PEA15: variants seen among roughly 807,000 people sequenced by gnomAD.
PEA15 encodes the protein proliferation and apoptosis adaptor protein 15, also known as astrocytic phosphoprotein PEA-15.
For synonymous variants in PEA15, 60 were observed against 61.8 expected (o/e 0.97, Z 0.13); for missense variants, 77 against 161.3 (o/e 0.48, Z 2.83).
chr1:160,214,786 A>ATT lies in PEA15; in HGVS notation c.*1301_*1302dup, dbSNP rs1289717164. ...AGAAGGCTTTTTCAAAAAACATTAAATTCACATGCAGTCTCAGAGACTATT... is the reference window on the plus strand; with the variant it reads ...AGAAGGCTTTTTCAAAAAACATTAAATTTTCACATGCAGTCTCAGAGACTATT... On this transcript the variant is annotated 3_prime_UTR_variant, in exon 4 of 4. Coordinates refer to ENST00000360472, the MANE Select transcript of PEA15 (RefSeq NM_003768.5). The ATT allele has an allele frequency of 1.3e-5, 2 of 152,634 alleles. No homozygotes were observed. Among genetic ancestry groups the ATT allele is most frequent in the Admixed American group, 1.3e-4 (2 of 15,284 alleles). The allele number at this position is 152,634 out of a possible 1,614,324, so 9.5% of individuals were successfully genotyped here.
chr1:160,210,515 A>C (rs1307553327), intron 1 of PEA15, among the ~76,000 whole-genome samples: 1 of 152,224 alleles, frequency 6.6e-6, no homozygotes, highest in Non-Finnish European at 1.5e-5. Context: ...TAGTGGAAGG[A>C]AGGCCTTGAA....
chr1:160,205,468 T>C lies in PEA15; in HGVS notation c.-57T>C. On this transcript the variant is annotated 5_prime_UTR_variant, in exon 1 of 4. Transcript: ENST00000360472. The surrounding 1 kb of genome is among the most constrained non-coding windows in gnomAD (Gnocchi z 5.9). Reference sequence around the variant, plus strand: ...CCGAGGAGGAGGTTCCGGACGCTGCTTAGGAACCGGGGACTCAGGAGTGCC... The same window carrying C: ...CCGAGGAGGAGGTTCCGGACGCTGCCTAGGAACCGGGGACTCAGGAGTGCC... The C allele has an allele frequency of 5.6e-6, 1 of 177,884 alleles. No individual in the cohort carries two copies. The highest frequency in any genetic ancestry group is 1.1e-5 in the Non-Finnish European group (1 of 87,012). The allele number at this position is 177,884 out of a possible 1,614,324, so 11.0% of individuals were successfully genotyped here.
At chr1:160,209,419 T>C (rs1043872857) in intron 1 of PEA15, among the ~76,000 whole-genome samples, 2 of 152,168 alleles carry the variant, frequency 1.3e-5, no homozygotes, top group Non-Finnish European at 2.9e-5. Context: ...CAAGTCTTTG[T>C]GGGTGAGTGT....
At chr1:160,210,266 G>A (rs760907698) in intron 1 of PEA15, among the ~76,000 whole-genome samples, 1 of 152,218 alleles carries the variant, frequency 6.6e-6, no homozygotes, top group African/African-American at 2.4e-5. Context: ...GGCAGCCTCC[G>A]TCAGGGACAA....
intron 1 of PEA15, among the ~76,000 whole-genome samples, chr1:160,210,138 T>G (rs1037735622): frequency 7.2e-5 from 11 of 152,208 alleles, no homozygotes; most frequent in Admixed American, 6.5e-4. Flanking sequence ...ATCTCTTATT[T>G]TGTGACCACC....
chr1:160,206,801 T>C (rs1281048242), intron 1 of PEA15, among the ~76,000 whole-genome samples: 1 of 151,616 alleles, frequency 6.6e-6, no homozygotes, highest in East Asian at 1.9e-4. Flanking sequence ...CCACTGGGAG[T>C]TAGGGAAAGT....
chr1:160,212,147 T>C (rs796900037), intron 2 of PEA15, among the ~76,000 whole-genome samples: 1 of 152,198 alleles, frequency 6.6e-6, no homozygotes. Flanking sequence ...CTTATCCACT[T>C]TGAGAGACTA....
rs1654940091 is a variant in PEA15, at chr1:160,213,022, A to G, written c.173-88A>G. The G allele has an allele frequency of 2.2e-6, 3 of 1,353,942 alleles. No homozygotes were observed. The highest frequency in any genetic ancestry group is 4.6e-5 in the East Asian group (2 of 43,378). The allele number at this position is 1,353,942 out of a possible 1,614,324, so 83.9% of individuals were successfully genotyped here. A position where few individuals can be genotyped will look rare whatever the true frequency, so the allele number is the denominator to read the frequency against. On this transcript the variant is annotated intron_variant, in intron 2 of 3. Coordinates refer to ENST00000360472, the MANE Select transcript of PEA15 (RefSeq NM_003768.5). This position sits in a 1 kb window ranked among gnomAD's most constrained non-coding sequence, Gnocchi z 5.3. ...CTCCCATAACCAATGTCAGCAACTC[A>G]GCTTTGGTTCCAGGTCACTAGTCTG...
Position 160,213,341 on chromosome 1 carries a change from G to A in PEA15, c.328+76G>A, listed in dbSNP as rs1654953793. On this transcript the variant is annotated intron_variant, in intron 3 of 3. Transcript: ENST00000360472. The surrounding 1 kb of genome is among the most constrained non-coding windows in gnomAD (Gnocchi z 5.3). ...TATCCTTGGAGTACTTGAGTTTTGG[G>A]AGAGTGGAGGCAGATGCCCAATGGG... 2 of 1,612,142 alleles carry A rather than the reference G, an allele frequency of 1.2e-6. No homozygotes were observed. The highest frequency in any genetic ancestry group is 1.7e-6 in the Non-Finnish European group (2 of 1,178,266).
At chr1:160,210,700 G>A (rs1347465409) in intron 1 of PEA15, among the ~76,000 whole-genome samples, 1 of 152,228 alleles carries the variant, frequency 6.6e-6, no homozygotes, top group South Asian at 2.1e-4. Flanking sequence ...CGCATCTAAA[G>A]TCCCCTCCCC....
intron 2 of PEA15, 147 bp from the exon 3 acceptor site, chr1:160,212,963 G>C: frequency 1.4e-6 from 1 of 737,310 alleles, no homozygotes; most frequent in Non-Finnish European, 2.3e-6. Flanking sequence ...TTCTTCTCCT[G>C]GATTAGTAGC....
intron 2 of PEA15, 36 bp downstream of exon 2, chr1:160,211,752 C>T (rs1654885143): frequency 6.3e-7 from 1 of 1,588,924 alleles, no homozygotes; most frequent in Admixed American, 1.7e-5. Flanking sequence ...TGTCATCAGT[C>T]ATTCAGGCTC....
At chr1:160,212,229 T>G (rs910303839) in intron 2 of PEA15, among the ~76,000 whole-genome samples, 1 of 152,050 alleles carries the variant, frequency 6.6e-6, no homozygotes, top group African/African-American at 2.4e-5. Context: ...GAATTGGTGT[T>G]TAAGATGGCC....
intron 1 of PEA15, among the ~76,000 whole-genome samples, chr1:160,210,313 G>C (rs766673677): frequency 6.6e-6 from 1 of 152,196 alleles, no homozygotes; most frequent in African/African-American, 2.4e-5. Context: ...TGGTCTAGTC[G>C]CATACAGAGT....
intron 1 of PEA15, among the ~76,000 whole-genome samples, chr1:160,210,746 C>A (rs1489849371): frequency 6.6e-6 from 1 of 152,206 alleles, no homozygotes; most frequent in Non-Finnish European, 1.5e-5. Context: ...GGGCAGGGGG[C>A]CAGAGCCAGT....
Position 160,208,543 on chromosome 1 carries a change from C to T in PEA15, c.-2-3000C>T. 2 of 1,423,324 alleles carry T rather than the reference C, an allele frequency of 1.4e-6. No homozygotes were observed. Among genetic ancestry groups the T allele is most frequent in the Non-Finnish European group, 1.9e-6 (2 of 1,031,486 alleles). The allele number at this position is 1,423,324 out of a possible 1,614,324, so 88.2% of individuals were successfully genotyped here. On this transcript the variant is annotated intron_variant, in intron 1 of 3. Coordinates refer to ENST00000360472, the MANE Select transcript of PEA15 (RefSeq NM_003768.5). The surrounding 1 kb of genome is among the most constrained non-coding windows in gnomAD (Gnocchi z 4.1). ...CAGAAATCAGGAGGATTTTTCAGAGCCCAGAGAGCAGATTTCTCCACGAGC... is the reference window on the plus strand; with the variant it reads ...CAGAAATCAGGAGGATTTTTCAGAGTCCAGAGAGCAGATTTCTCCACGAGC...
At chr1:160,209,263 G>C (rs1427614339) in intron 1 of PEA15, among the ~76,000 whole-genome samples, 2 of 152,108 alleles carry the variant, frequency 1.3e-5, no homozygotes, top group Non-Finnish European at 2.9e-5. Flanking sequence ...CTCCTCCAGA[G>C]CTGTGCCCAC....
intron 1 of PEA15, chr1:160,211,237 C>T: frequency 9.6e-7 from 1 of 1,037,112 alleles, no homozygotes; most frequent in South Asian, 4.6e-5. Context: ...TGGTAACCGC[C>T]TCCTCAGTCA....
In PEA15 at chr1:160,208,946, G is replaced by T; in HGVS notation, c.-2-2597G>T. ...TAGTAACAGATGAGATGAGGCTACAGCCTTCTATAGTTGTGGACTGTATGC... is the reference window on the plus strand; with the variant it reads ...TAGTAACAGATGAGATGAGGCTACATCCTTCTATAGTTGTGGACTGTATGC... On this transcript the variant is annotated intron_variant, in intron 1 of 3. Transcript: ENST00000360472. The surrounding 1 kb of genome is among the most constrained non-coding windows in gnomAD (Gnocchi z 4.1). 2.2e-6 allele frequency: 1 copy of T among 448,330 alleles called. No individual in the cohort carries two copies. 27.8% of individuals were successfully genotyped at this position (448,330 alleles called of 1,614,324 possible).
Sources: gnomAD v4.1 joint callset for allele counts (sites outside exome capture counted in the v4.1 genomes callset) on GRCh38, gnomAD v4.1.1 for gene constraint, Gnocchi (gnomAD v3.1) non-coding constraint, MANE v1.5 for transcripts, NCBI Gene and HGNC (gene_info 2026-07-23, HGNC 2026-07-21) for gene names.